The following TENM3 variants were observed in gnomAD, a reference collection of about 807,000 sequenced individuals.
TENM3 encodes the protein teneurin-3.
TENM3 carries 63 observed loss-of-function variants against 255.1 expected under a neutral mutation model. That is an observed-to-expected ratio of 0.25 (90% CI 0.20 to 0.30). The LOEUF (loss-of-function observed/expected upper bound fraction) is 0.30, where lower values mean the gene tolerates loss of function less well. Among genes scored for constraint, TENM3 ranks in the 10% least tolerant of loss-of-function variants. The probability of loss-of-function intolerance (pLI) is 1.00; values close to 1 mark genes in which losing one functional copy is unlikely to be tolerated. For missense variants in TENM3, 2,929 were observed against 3,461.1 expected (o/e 0.85, Z 3.86); for synonymous variants, 1,306 against 1,322.3 (o/e 0.99, Z 0.27).
At chr4:182,675,277 C>G (rs2152558000) in intron 7 of TENM3, among the ~76,000 whole-genome samples, 2 of 152,180 alleles carry the variant, frequency 1.3e-5, no homozygotes, top group South Asian at 4.2e-4. Context: ...GGCACAGTGA[C>G]TTAGGCCTGT....
At chr4:182,348,375 C>T (rs62352289) in intron 3 of TENM3, among the ~76,000 whole-genome samples, 5,029 of 152,182 alleles carry the variant, frequency 0.033, 116 homozygotes, top group Non-Finnish European at 0.051. Context: ...ACCTTAAATA[C>T]GTATGATTTG....
intron 3 of TENM3, among the ~76,000 whole-genome samples, chr4:182,454,375 G>A (rs937837040): frequency 2.0e-5 from 3 of 151,938 alleles, no homozygotes; most frequent in East Asian, 1.9e-4. Flanking sequence ...TTCATACATC[G>A]ATTTATATGG....
intron 1 of TENM3, among the ~76,000 whole-genome samples, chr4:182,306,220 G>A (rs1272214412): frequency 1.3e-5 from 2 of 151,014 alleles, no homozygotes; most frequent in African/African-American, 4.9e-5. Flanking sequence ...TTTTGAGACA[G>A]TCTTCCTCTG....
chr4:181,518,051 CAATTT>C, the TENM3 span, among the ~76,000 whole-genome samples: 1 of 152,046 alleles, frequency 6.6e-6, no homozygotes, highest in Non-Finnish European at 1.5e-5. Context: ...AAAAAATAGT[CAATTT>C]AAAGTGACAT....
the TENM3 span, among the ~76,000 whole-genome samples, chr4:181,701,607 G>A: frequency 2.0e-5 from 3 of 152,016 alleles, no homozygotes; most frequent in African/African-American, 7.2e-5. Flanking sequence ...AGGCCACTGC[G>A]AGATTGCCAT....
chr4:182,699,987 T>G (rs1263763719), intron 12 of TENM3, among the ~76,000 whole-genome samples: 1 of 152,126 alleles, frequency 6.6e-6, no homozygotes, highest in Non-Finnish European at 1.5e-5. Context: ...TTGAAAAGTT[T>G]AGATCCAAGG....
the TENM3 span, among the ~76,000 whole-genome samples, chr4:181,533,427 G>A: frequency 2.0e-5 from 3 of 152,168 alleles, no homozygotes; most frequent in Non-Finnish European, 4.4e-5. Flanking sequence ...GAGGTGGACA[G>A]AAGGTCAACA....
the TENM3 span, among the ~76,000 whole-genome samples, chr4:182,099,463 A>G: frequency 6.6e-6 from 1 of 152,154 alleles, no homozygotes; most frequent in African/African-American, 2.4e-5. Context: ...CAGCCACACC[A>G]TCTGTCCTTA....
chr4:182,132,002 C>T, the TENM3 span, among the ~76,000 whole-genome samples: 1 of 147,328 alleles, frequency 6.8e-6, no homozygotes, highest in Non-Finnish European at 1.5e-5. Context: ...TGTTTATCAT[C>T]CCTGAACTAT....
chr4:181,778,322 T>C, the TENM3 span, among the ~76,000 whole-genome samples: 1 of 152,162 alleles, frequency 6.6e-6, no homozygotes. Context: ...CACTAATGCA[T>C]AGGCACTTGT....
chr4:182,730,405 T>C, intron 15 of TENM3, 86 bp downstream of exon 15: 1 of 1,493,662 alleles, frequency 6.7e-7, no homozygotes, highest in Non-Finnish European at 9.1e-7. Context: ...TTGACTGTCC[T>C]TTTAAATATG....
intron 1 of TENM3, among the ~76,000 whole-genome samples, chr4:182,258,285 T>C (rs1758557858): frequency 6.6e-6 from 1 of 152,206 alleles, no homozygotes; most frequent in East Asian, 1.9e-4. Flanking sequence ...ACAGGTTGTT[T>C]GCTAAACCTC....
At chr4:182,756,100 T>TA (rs879830708) in intron 22 of TENM3, among the ~76,000 whole-genome samples, 1 of 152,230 alleles carries the variant, frequency 6.6e-6, no homozygotes, top group Non-Finnish European at 1.5e-5. Flanking sequence ...GCCCACCTGA[T>TA]AAAGCTGACT....
chr4:181,784,221 A>G, the TENM3 span, among the ~76,000 whole-genome samples: 1 of 151,882 alleles, frequency 6.6e-6, no homozygotes, highest in East Asian at 1.9e-4. Context: ...TATTTAAGCA[A>G]TATTTCTTCT....
the TENM3 span, among the ~76,000 whole-genome samples, chr4:181,718,781 G>A: frequency 2.0e-5 from 3 of 152,124 alleles, no homozygotes; most frequent in Non-Finnish European, 2.9e-5. Context: ...TGAAGGCAAG[G>A]ATTAGTTTTG....
At chr4:182,055,410 G>T in the TENM3 span, among the ~76,000 whole-genome samples, 1 of 151,716 alleles carries the variant, frequency 6.6e-6, no homozygotes, top group Non-Finnish European at 1.5e-5. Context: ...TTCCCCTCTT[G>T]TGATATGTCT....
chr4:181,595,430 CAAAAAAAAAAAAAA>C, the TENM3 span, among the ~76,000 whole-genome samples: 7 of 41,856 alleles, frequency 1.7e-4, no homozygotes, highest in African/African-American at 6.1e-4. Flanking sequence ...GACTCCATCC[CAAAAAAAAAAAAAA>C]AAAAAAAAAA....
At chr4:181,757,068 C>T in the TENM3 span, among the ~76,000 whole-genome samples, 271 of 152,088 alleles carry the variant, frequency 1.8e-3, 1 homozygote, top group African/African-American at 6.2e-3. Context: ...GATGTAAACC[C>T]GCCATCACAA....
the TENM3 span, among the ~76,000 whole-genome samples, chr4:182,106,738 A>G: frequency 1.3e-5 from 2 of 152,194 alleles, no homozygotes; most frequent in Admixed American, 1.3e-4. Flanking sequence ...TGGGAGCATA[A>G]TAAGTGCTAT....
Sources: gnomAD v4.1 joint callset for allele counts (sites outside exome capture counted in the v4.1 genomes callset) on GRCh38, gnomAD v4.1.1 for gene constraint, MANE v1.5 for transcripts, NCBI Gene and HGNC (gene_info 2026-07-23, HGNC 2026-07-21) for gene names.